The following SKP1 variants were observed in gnomAD, a reference collection of about 807,000 sequenced individuals.
The protein encoded by SKP1 is S-phase kinase associated protein 1.
Under a neutral mutation model 21.5 loss-of-function variants are expected in SKP1, and 1 was observed. The ratio of observed to expected loss-of-function variants is 0.05; its 90% confidence interval spans 0.02 to 0.22. The LOEUF is 0.22. Among genes scored for constraint, SKP1 ranks in the 10% least tolerant of loss-of-function variants. The pLI, the probability that SKP1 is intolerant of heterozygous loss-of-function variation, is 1.00. For missense variants in SKP1, 70 were observed against 192.0 expected (o/e 0.36, Z 3.76); for synonymous variants, 59 against 59.3 (o/e 0.99, Z 0.03).
intron 3 of SKP1, among the ~76,000 whole-genome samples, chr5:134,165,001 AAGT>A (rs1761299575): frequency 6.7e-6 from 1 of 150,212 alleles, no homozygotes; most frequent in African/African-American, 2.4e-5. Context: ...CAGATACAGA[AAGT>A]AGAATAGTGT....
chr5:134,157,796 CTTAACTTGAGTAGTCTT>C (rs751086924), intron 5 of SKP1, 28 bp from the exon 6 acceptor site: 4 of 1,613,134 alleles, frequency 2.5e-6, no homozygotes, highest in Non-Finnish European at 3.4e-6. Flanking sequence ...AGGGAAGTAC[CTTAACTTGAGTAGTCTT>C]TCCTAAGACT....
At chr5:134,170,700 A>T (rs921706948) in intron 2 of SKP1, among the ~76,000 whole-genome samples, 1 of 152,248 alleles carries the variant, frequency 6.6e-6, no homozygotes, top group Non-Finnish European at 1.5e-5. Flanking sequence ...CAAAGGCAAC[A>T]GAGTAAAAGA....
chr5:134,162,853 G>A (rs1189992394), intron 3 of SKP1, among the ~76,000 whole-genome samples: 1 of 152,000 alleles, frequency 6.6e-6, no homozygotes, highest in African/African-American at 2.4e-5. Flanking sequence ...AGGCAGGACT[G>A]CTTAAGGCCG....
chr5:134,176,654 G>A (rs79238226), intron 1 of SKP1: 3,247 of 152,572 alleles, frequency 0.021, 110 homozygotes, highest in African/African-American at 0.074. Flanking sequence ...AGGAGGCCTC[G>A]CTGAGTCGGG....
chr5:134,158,392 T>G (rs1290701747), intron 5 of SKP1, 63 bp downstream of exon 5: 1 of 1,612,730 alleles, frequency 6.2e-7, no homozygotes, highest in Non-Finnish European at 8.5e-7. Flanking sequence ...TTTGCTGGCA[T>G]GTTATAGGTG....
rs1235722831 is a variant in SKP1 at position 134,153,019 on chromosome 5, G to C, written c.*4714C>G. 3 of 152,178 alleles carry C rather than the reference G, an allele frequency of 2.0e-5. No individual in the cohort carries two copies. Among genetic ancestry groups the C allele is most frequent in the African/African-American group, 7.2e-5 (3 of 41,434 alleles). The allele number at this position is 152,178 out of a possible 1,614,324, so 9.4% of individuals were successfully genotyped here. ...CATTTTGTAAGCTTTCCCTTTGCTT[G>C]CAATCTTCTTATTCTTGACTTCTTC... On this transcript the variant is annotated 3_prime_UTR_variant, in exon 6 of 6. Transcript: ENST00000353411.
rs1232949076 is a variant in SKP1 at position 134,153,118 on chromosome 5, T to C, written c.*4615A>G. 1.3e-5 allele frequency: 2 copies of C among 152,220 alleles called. No homozygotes were observed. Among genetic ancestry groups the C allele is most frequent in the African/African-American group, 2.4e-5 (1 of 41,446 alleles). The allele number at this position is 152,220 out of a possible 1,614,324, so 9.4% of individuals were successfully genotyped here. ...TAACTTTTCAAATCCTCAAACAACT[T>C]TGTAGGGAGAACATTTACTTGGTTG... On this transcript the variant is annotated 3_prime_UTR_variant, in exon 6 of 6. Transcript: ENST00000353411.
chr5:134,156,330 T>C lies in SKP1; in HGVS notation c.*1403A>G, dbSNP rs546578022. 14 of 152,320 alleles carry C rather than the reference T, an allele frequency of 9.2e-5. No homozygotes were observed. Among genetic ancestry groups the C allele is most frequent in the African/African-American group, 3.4e-4 (14 of 41,572 alleles). 9.4% of individuals were successfully genotyped at this position (152,320 alleles called of 1,614,324 possible). On this transcript the variant is annotated 3_prime_UTR_variant, in exon 6 of 6. Transcript: ENST00000353411. ...GCTCAAAGACTACAAAAACAGGCTATGGGCCTGATTTGACCCACACATTAT... is the reference window on the plus strand; with the variant it reads ...GCTCAAAGACTACAAAAACAGGCTACGGGCCTGATTTGACCCACACATTAT...
At chr5:134,159,878 T>A (rs1229485835) in intron 4 of SKP1, among the ~76,000 whole-genome samples, 3 of 150,704 alleles carry the variant, frequency 2.0e-5, no homozygotes, top group Non-Finnish European at 4.4e-5. Flanking sequence ...AGATGGGGTT[T>A]CATCATGCTG....
Position 134,156,680 on chromosome 5 carries a change from T to C in SKP1, c.*1053A>G, listed in dbSNP as rs1216619906. 6.6e-6 allele frequency: 1 copy of C among 152,222 alleles called. No homozygotes were observed. Among genetic ancestry groups the C allele is most frequent in the Non-Finnish European group, 1.5e-5 (1 of 68,048 alleles). The allele number at this position is 152,222 out of a possible 1,614,324, so 9.4% of individuals were successfully genotyped here. A position where few individuals can be genotyped will look rare whatever the true frequency, so the allele number is the denominator to read the frequency against. On this transcript the variant is annotated 3_prime_UTR_variant, in exon 6 of 6. Transcript: ENST00000353411. The stretch of plus-strand genomic sequence containing the variant: ...TGGAAACAATGGCAGAGTAATTTTG[T>C]GTTAAGAATTAAAGTACTAGCTCCA...
intron 5 of SKP1, chr5:134,158,170 T>C: frequency 2.2e-6 from 3 of 1,386,132 alleles, no homozygotes; most frequent in Non-Finnish European, 2.8e-6. Context: ...CAGATATGTA[T>C]GGTCTATACA....
rs56936628 is a variant in SKP1, at chr5:134,154,447, C to CAAAAAAAAAA, written c.*3276_*3285dup. 1 of 51,644 alleles carries CAAAAAAAAAA rather than the reference C, an allele frequency of 1.9e-5. No individual in the cohort carries two copies. Among genetic ancestry groups the CAAAAAAAAAA allele is most frequent in the African/African-American group, 5.9e-5 (1 of 16,942 alleles). The allele number at this position is 51,644 out of a possible 1,614,324, so 3.2% of individuals were successfully genotyped here. A position where few individuals can be genotyped will look rare whatever the true frequency, so the allele number is the denominator to read the frequency against. On this transcript the variant is annotated 3_prime_UTR_variant, in exon 6 of 6. Transcript: ENST00000353411. ...TGGGCGACAGAGTGAGACTCTGTCT[C>CAAAAAAAAAA]AAAAAAAAAAAAAAAAAAAAAAAAA...
In SKP1 at chr5:134,155,592, A is replaced by G. The variant is rs1167281008; in HGVS notation, c.*2141T>C. On this transcript the variant is annotated 3_prime_UTR_variant, in exon 6 of 6. Coordinates refer to ENST00000353411, the MANE Select transcript of SKP1 (RefSeq NM_170679.3). Reference sequence around the variant, plus strand: ...ATTGTCTGTCCATCCAATCTTTCTGAAAGATCTCATTATCCTTTAAATACG... The same window carrying G: ...ATTGTCTGTCCATCCAATCTTTCTGGAAGATCTCATTATCCTTTAAATACG... 6.6e-6 allele frequency: 1 copy of G among 152,260 alleles called. No individual in the cohort carries two copies. Among genetic ancestry groups the G allele is most frequent in the Non-Finnish European group, 1.5e-5 (1 of 68,048 alleles). 9.4% of individuals were successfully genotyped at this position (152,260 alleles called of 1,614,324 possible).
chr5:134,174,880 AAAG>A (rs1448324107), intron 1 of SKP1: 1 of 152,174 alleles, frequency 6.6e-6, no homozygotes, highest in Non-Finnish European at 1.5e-5. Context: ...TTTTTTTAAA[AAAG>A]AAAACATACA....
chr5:134,171,820 G>A (rs942502897), intron 2 of SKP1, among the ~76,000 whole-genome samples: 7 of 152,160 alleles, frequency 4.6e-5, no homozygotes, highest in South Asian at 2.1e-4. Context: ...TGAGGTGGGC[G>A]GATCACCTGA....
At chr5:134,164,127 C>G (rs1460084545) in intron 3 of SKP1, among the ~76,000 whole-genome samples, 1 of 151,946 alleles carries the variant, frequency 6.6e-6, no homozygotes, top group East Asian at 1.9e-4. Context: ...TCGAGACCAG[C>G]CTGGCCAACA....
rs1174988261 is a variant in SKP1 at position 134,150,717 on chromosome 5, C to T, written c.*7016G>A. 5.3e-5 allele frequency: 8 copies of T among 152,148 alleles called. No homozygotes were observed. Among genetic ancestry groups the T allele is most frequent in the Admixed American group, 2.6e-4 (4 of 15,272 alleles). 9.4% of individuals were successfully genotyped at this position (152,148 alleles called of 1,614,324 possible). A position where few individuals can be genotyped will look rare whatever the true frequency, so the allele number is the denominator to read the frequency against. ...AGCAGACCCTGGTTGTGTCAACTCC[C>T]CCAATCCCAACTTATTGTGATAACC... On this transcript the variant is annotated 3_prime_UTR_variant, in exon 6 of 6. Transcript: ENST00000353411.
At position 134,149,431 on chromosome 5, in the gene SKP1, A is replaced by C. The variant is rs1165615681; in HGVS notation, c.*8302T>G. 6.6e-6 allele frequency: 1 copy of C among 152,242 alleles called. No homozygotes were observed. The highest frequency in any genetic ancestry group is 1.5e-5 in the Non-Finnish European group (1 of 68,042). 9.4% of individuals were successfully genotyped at this position (152,242 alleles called of 1,614,324 possible). The stretch of plus-strand genomic sequence containing the variant: ...ATAGGTCAGTCAACAAGTAGATGAT[A>C]CATGTCAGGCAAGAAGTATTTCACA... On this transcript the variant is annotated 3_prime_UTR_variant, in exon 6 of 6. Coordinates refer to ENST00000353411, the MANE Select transcript of SKP1 (RefSeq NM_170679.3).
intron 2 of SKP1, among the ~76,000 whole-genome samples, chr5:134,168,094 T>G (rs189012019): frequency 3.0e-3 from 464 of 152,314 alleles, no homozygotes; most frequent in Non-Finnish European, 5.5e-3. Context: ...CAAAACTATA[T>G]AAACTTGTGT....
Sources: gnomAD v4.1 joint callset for allele counts (sites outside exome capture counted in the v4.1 genomes callset) on GRCh38, gnomAD v4.1.1 for gene constraint, MANE v1.5 for transcripts, NCBI Gene and HGNC (gene_info 2026-07-23, HGNC 2026-07-21) for gene names.